Variants in LTBP1 observed in about 807,000 individuals in gnomAD.
The protein encoded by LTBP1 is latent transforming growth factor beta binding protein 1, also known as latent-transforming growth factor beta-binding protein 1.
LTBP1 carries 129 observed loss-of-function variants against 207.6 expected under a neutral mutation model. That is an observed-to-expected ratio of 0.62 (90% CI 0.54 to 0.72). The LOEUF is 0.72. Among genes scored for constraint, LTBP1 ranks in the 30% least tolerant of loss-of-function variants. The pLI, the probability that LTBP1 is intolerant of heterozygous loss-of-function variation, is 0.00. For synonymous variants in LTBP1, 963 were observed against 833.7 expected (o/e 1.16, Z -2.67); for missense variants, 2,281 against 2,217.2 (o/e 1.03, Z -0.58).
At chr2:33,128,133 CAAAT>C (rs2081550229) in intron 4 of LTBP1, among the ~76,000 whole-genome samples, 1 of 152,158 alleles carries the variant, frequency 6.6e-6, no homozygotes, top group Non-Finnish European at 1.5e-5. Flanking sequence ...CCTTGGTAAA[CAAAT>C]AGCCCAGTAG....
At chr2:33,321,610 T>C (rs1011148562) in intron 24 of LTBP1, among the ~76,000 whole-genome samples, 1 of 152,336 alleles carries the variant, frequency 6.6e-6, no homozygotes, top group East Asian at 1.9e-4. Context: ...TTTTGTGGCA[T>C]GGATATAGAA....
chr2:33,217,082 A>G (rs2090770710), intron 7 of LTBP1, among the ~76,000 whole-genome samples: 1 of 152,170 alleles, frequency 6.6e-6, no homozygotes, highest in African/African-American at 2.4e-5. Context: ...CCTTGGGGTT[A>G]TAGGAAGACC....
chr2:33,280,204 G>T (rs767863060), intron 19 of LTBP1, 46 bp downstream of exon 19: 1 of 1,566,382 alleles, frequency 6.4e-7, no homozygotes. Context: ...CTTCTGCATG[G>T]CCCATTTTCT....
At chr2:33,269,467 G>A (rs2093266911) in intron 15 of LTBP1, among the ~76,000 whole-genome samples, 1 of 152,214 alleles carries the variant, frequency 6.6e-6, no homozygotes, top group African/African-American at 2.4e-5. Flanking sequence ...GGACATGTGA[G>A]AGAGTCCAGT....
chr2:33,312,782 T>C (rs533787013), intron 23 of LTBP1, among the ~76,000 whole-genome samples: 2 of 152,334 alleles, frequency 1.3e-5, no homozygotes, highest in East Asian at 3.9e-4. Context: ...AAAAACTTTG[T>C]GCACATTATT....
chr2:33,268,279 A>G (rs1327192180), intron 15 of LTBP1, among the ~76,000 whole-genome samples: 8 of 152,242 alleles, frequency 5.3e-5, no homozygotes, highest in Non-Finnish European at 8.8e-5. Flanking sequence ...TCTCTCAGGA[A>G]TATTGCATAA....
intron 2 of LTBP1, among the ~76,000 whole-genome samples, chr2:33,013,633 C>T (rs1687969902): frequency 6.6e-6 from 1 of 151,938 alleles, no homozygotes; most frequent in African/African-American, 2.4e-5. Flanking sequence ...AGAAACAATC[C>T]AGGAAAACTG....
At chr2:33,262,961 T>C (rs1183024406) in intron 14 of LTBP1, 140 bp downstream of exon 14, 6 of 552,604 alleles carry the variant, frequency 1.1e-5, no homozygotes, top group African/African-American at 3.8e-5. Flanking sequence ...AATATACTTA[T>C]ATAATGTTAG....
At chr2:32,954,583 T>TCTTA (rs1677754534) in intron 2 of LTBP1, among the ~76,000 whole-genome samples, 2 of 147,630 alleles carry the variant, frequency 1.4e-5, no homozygotes, top group South Asian at 4.5e-4. Context: ...TTACCTTGAT[T>TCTTA]ACCTCTGTAA....
intron 5 of LTBP1, among the ~76,000 whole-genome samples, chr2:33,182,655 C>T (rs1267174471): frequency 7.1e-5 from 7 of 98,916 alleles, no homozygotes; most frequent in African/African-American, 2.6e-4. Context: ...GAGTGAGACC[C>T]TGTCTCAAAA....
At chr2:33,390,594 C>T (rs1260744639) in intron 32 of LTBP1, among the ~76,000 whole-genome samples, 7 of 151,990 alleles carry the variant, frequency 4.6e-5, no homozygotes, top group African/African-American at 1.4e-4. Context: ...CTCAAGCGAT[C>T]CTCCCACCCC....
intron 7 of LTBP1, among the ~76,000 whole-genome samples, chr2:33,195,250 T>C (rs1573100362): frequency 6.6e-6 from 1 of 152,212 alleles, no homozygotes; most frequent in Non-Finnish European, 1.5e-5. Context: ...TTTTTAAGGC[T>C]ATTACTGCCA....
intron 7 of LTBP1, among the ~76,000 whole-genome samples, chr2:33,203,124 A>T (rs1340763977): frequency 1.3e-5 from 2 of 152,110 alleles, no homozygotes; most frequent in Non-Finnish European, 2.9e-5. Context: ...GCCAAACCTT[A>T]CCTGCGTCAA....
At chr2:33,389,703 G>A (rs751211982) in intron 32 of LTBP1, among the ~76,000 whole-genome samples, 15 of 152,158 alleles carry the variant, frequency 9.9e-5, no homozygotes, top group Non-Finnish European at 1.0e-4. Flanking sequence ...GCAGTGGCAC[G>A]ATCTCAGCTC....
intron 5 of LTBP1, among the ~76,000 whole-genome samples, chr2:33,166,072 T>G (rs6737925): frequency 0.052 from 7,826 of 151,938 alleles, 271 homozygotes; most frequent in Middle Eastern, 0.16. Context: ...TGTATGTTTT[T>G]TTTTTTTTTT....
intron 4 of LTBP1, among the ~76,000 whole-genome samples, chr2:33,133,556 C>G (rs2081949276): frequency 6.6e-6 from 1 of 152,124 alleles, no homozygotes. Context: ...TTGCAATTTG[C>G]CAGAGAGTTC....
intron 2 of LTBP1, among the ~76,000 whole-genome samples, chr2:32,986,875 T>C (rs1312035500): frequency 6.6e-6 from 1 of 152,234 alleles, no homozygotes; most frequent in East Asian, 1.9e-4. Context: ...AGAGCTTTAG[T>C]GACAGTCCCA....
chr2:33,314,116 G>A (rs935935917), intron 23 of LTBP1, among the ~76,000 whole-genome samples: 5 of 152,196 alleles, frequency 3.3e-5, no homozygotes, highest in African/African-American at 7.2e-5. Flanking sequence ...CAACACAAGT[G>A]TATGGCATGA....
intron 5 of LTBP1, among the ~76,000 whole-genome samples, chr2:33,152,666 T>C (rs905022684): frequency 6.6e-6 from 1 of 152,214 alleles, no homozygotes; most frequent in Non-Finnish European, 1.5e-5. Context: ...TGGTGTCTCA[T>C]AGTTTTGATT....
Sources: allele counts gnomAD v4.1 joint callset (sites outside exome capture counted in the v4.1 genomes callset), GRCh38; gene constraint gnomAD v4.1.1; transcripts MANE v1.5; gene names NCBI Gene and HGNC (gene_info 2026-07-23, HGNC 2026-07-21).